The following TBC1D5 variants were observed in gnomAD, a reference collection of about 807,000 sequenced individuals.
TBC1D5 encodes the protein TBC1 domain family, member 5.
TBC1D5 carries 75 observed loss-of-function variants against 100.3 expected under a neutral mutation model. That is an observed-to-expected ratio of 0.75 (90% CI 0.62 to 0.91). TBC1D5 has a LOEUF of 0.91. TBC1D5 is among the 40% of genes least tolerant of loss of function. TBC1D5 has a pLI of 0.00. For synonymous variants in TBC1D5, 323 were observed against 325.6 expected (o/e 0.99, Z 0.09); for missense variants, 910 against 942.4 (o/e 0.97, Z 0.45).
At chr3:17,646,081 G>A (rs1057166105) in intron 1 of TBC1D5, among the ~76,000 whole-genome samples, 1 of 152,068 alleles carries the variant, frequency 6.6e-6, no homozygotes, top group Admixed American at 6.6e-5. Context: ...AAGTGATGAG[G>A]ATGGGCCCAA....
At chr3:17,276,869 A>C (rs954939515) in intron 15 of TBC1D5, among the ~76,000 whole-genome samples, 1 of 152,150 alleles carries the variant, frequency 6.6e-6, no homozygotes, top group African/African-American at 2.4e-5. Context: ...CTGATCATAA[A>C]ACCTCCCATG....
intron 21 of TBC1D5, among the ~76,000 whole-genome samples, chr3:17,162,285 T>C (rs754531837): frequency 1.3e-5 from 2 of 152,360 alleles, no homozygotes; most frequent in Non-Finnish European, 2.9e-5. Flanking sequence ...TCCTGAGTCC[T>C]TGGGCCTCCA....
At chr3:17,318,743 A>C (rs2085008245) in intron 13 of TBC1D5, among the ~76,000 whole-genome samples, 1 of 152,210 alleles carries the variant, frequency 6.6e-6, no homozygotes, top group African/African-American at 2.4e-5. Context: ...TATTTTTAAA[A>C]TCGCCTCTCC....
At chr3:17,721,049 C>G (rs2075657981) in intron 1 of TBC1D5, among the ~76,000 whole-genome samples, 1 of 151,864 alleles carries the variant, frequency 6.6e-6, no homozygotes, top group African/African-American at 2.4e-5. Flanking sequence ...CTATGTTGGC[C>G]AGGCTGGTCT....
intron 18 of TBC1D5, among the ~76,000 whole-genome samples, chr3:17,192,149 G>A (rs912746814): frequency 2.6e-5 from 4 of 151,222 alleles, no homozygotes; most frequent in Admixed American, 2.0e-4. Context: ...GCTAATTTTC[G>A]GTGGATTTTC....
chr3:17,246,898 G>T (rs2076782333), intron 16 of TBC1D5, among the ~76,000 whole-genome samples: 2 of 152,178 alleles, frequency 1.3e-5, no homozygotes, highest in South Asian at 4.1e-4. Flanking sequence ...CTGATTCCTG[G>T]GAGATAACCT....
At chr3:17,463,961 T>G (rs961517929) in intron 3 of TBC1D5, among the ~76,000 whole-genome samples, 7 of 148,112 alleles carry the variant, frequency 4.7e-5, no homozygotes, top group African/African-American at 1.8e-4. Context: ...TTTTTTTTTT[T>G]TTTTTTTGAG....
At chr3:17,507,161 G>A (rs2095853219) in intron 3 of TBC1D5, among the ~76,000 whole-genome samples, 1 of 152,128 alleles carries the variant, frequency 6.6e-6, no homozygotes, top group African/African-American at 2.4e-5. Flanking sequence ...ACTTACAGAA[G>A]TACTTGCAAA....
At chr3:17,267,699 A>G (rs1370826573) in intron 15 of TBC1D5, among the ~76,000 whole-genome samples, 3 of 152,134 alleles carry the variant, frequency 2.0e-5, no homozygotes, top group Non-Finnish European at 4.4e-5. Context: ...TCTGATTTGG[A>G]AAATTTTTCT....
chr3:17,595,671 G>C (rs1312466113), intron 2 of TBC1D5, among the ~76,000 whole-genome samples: 1 of 124,542 alleles, frequency 8.0e-6, no homozygotes, highest in Non-Finnish European at 1.7e-5. Context: ...TGAAGTTATG[G>C]AAGTGTAAAG....
chr3:17,476,548 GT>G (rs34030779), intron 3 of TBC1D5, among the ~76,000 whole-genome samples: 5 of 151,336 alleles, frequency 3.3e-5, no homozygotes, highest in South Asian at 2.1e-4. Flanking sequence ...AAATGTGCAT[GT>G]TTTTTTTCAG....
intron 2 of TBC1D5, among the ~76,000 whole-genome samples, chr3:17,570,398 G>A (rs1256812518): frequency 1.3e-5 from 2 of 151,814 alleles, no homozygotes; most frequent in Non-Finnish European, 2.9e-5. Flanking sequence ...CACAGATTAA[G>A]TAACTTGCCT....
At chr3:17,554,894 G>C (rs1307977545) in intron 2 of TBC1D5, among the ~76,000 whole-genome samples, 3 of 151,036 alleles carry the variant, frequency 2.0e-5, no homozygotes, top group Non-Finnish European at 2.9e-5. Flanking sequence ...TCTGTCGCCA[G>C]GCTGGAGTGC....
intron 16 of TBC1D5, among the ~76,000 whole-genome samples, chr3:17,246,402 T>C (rs1046748406): frequency 2.0e-5 from 3 of 152,272 alleles, no homozygotes; most frequent in African/African-American, 7.2e-5. Context: ...ATCCCAACAA[T>C]TTTTATAGAA....
chr3:17,517,964 G>A (rs968970261), intron 2 of TBC1D5, among the ~76,000 whole-genome samples: 3 of 152,080 alleles, frequency 2.0e-5, no homozygotes, highest in African/African-American at 7.2e-5. Context: ...GACATATATC[G>A]AAAGCTGCAG....
chr3:17,225,239 G>C lies in TBC1D5; in HGVS notation c.1589-10869C>G, dbSNP rs1482670105. ...AGATCACTTGAGGTCAGGAGTTAGAGACCAGCCTGGCCAACATGGTGAAAC... is the reference window on the plus strand; with the variant it reads ...AGATCACTTGAGGTCAGGAGTTAGACACCAGCCTGGCCAACATGGTGAAAC... On this transcript the variant is annotated intron_variant, in intron 17 of 21. Coordinates refer to ENST00000253692, the Ensembl canonical transcript of TBC1D5. Among the ~76,000 whole-genome samples, 11 of 152,048 alleles carry C rather than the reference G, an allele frequency of 7.2e-5. No individual in the cohort carries two copies. In the South Asian group the frequency reaches 2.3e-3, roughly 32 times the overall value.
At chr3:17,562,331 T>C (rs1210904803) in intron 2 of TBC1D5, among the ~76,000 whole-genome samples, 2 of 152,082 alleles carry the variant, frequency 1.3e-5, no homozygotes, top group Admixed American at 6.5e-5. Context: ...ATGCCAATCC[T>C]ATTAATTCAA....
At chr3:17,684,744 AAT>A (rs1025049360) in intron 1 of TBC1D5, among the ~76,000 whole-genome samples, 2 of 152,100 alleles carry the variant, frequency 1.3e-5, no homozygotes, top group Non-Finnish European at 1.5e-5. Flanking sequence ...TTCCATAAGA[AAT>A]ATGTCATTAT....
chr3:17,465,877 A>G (rs1220429070), intron 3 of TBC1D5, among the ~76,000 whole-genome samples: 1 of 152,246 alleles, frequency 6.6e-6, no homozygotes, highest in Non-Finnish European at 1.5e-5. Flanking sequence ...ACACAAGGTA[A>G]ATACCAAACA....
Sources: allele counts gnomAD v4.1 joint callset (sites outside exome capture counted in the v4.1 genomes callset), GRCh38; gene constraint gnomAD v4.1.1; transcripts MANE v1.5; gene names NCBI Gene and HGNC (gene_info 2026-07-23, HGNC 2026-07-21).